RRBP1: variants seen among roughly 807,000 people sequenced by gnomAD.
RRBP1 encodes the protein ribosome binding protein 1.
In RRBP1, 94 loss-of-function variants were observed where a neutral mutation model predicts 165.2. The observed-to-expected ratio is 0.57, with a 90% CI of 0.48 to 0.68. The LOEUF (loss-of-function observed/expected upper bound fraction) is 0.68, where lower values mean the gene tolerates loss of function less well. Ranked by LOEUF, RRBP1 falls within the 30% of genes least tolerant of loss-of-function variation. RRBP1 has a pLI of 0.00. For synonymous variants in RRBP1, 680 were observed against 714.5 expected, an observed-to-expected ratio of 0.95 and a Z score of 0.77; for missense variants, 1,676 against 1,763.0, an observed-to-expected ratio of 0.95 and a Z score of 0.88.
intron 5 of RRBP1, 85 bp downstream of exon 5, chr20:17,641,712 G>C: frequency 6.5e-7 from 1 of 1,535,758 alleles, no homozygotes; most frequent in Admixed American, 1.7e-5. Context: ...CCAGCATCTC[G>C]GAGCCCGGGA....
At chr20:17,624,370 CT>C (rs552686394) in intron 13 of RRBP1, among the ~76,000 whole-genome samples, 176 of 152,122 alleles carry the variant, frequency 1.2e-3, no homozygotes, top group South Asian at 5.6e-3. Context: ...GTCCTAGTGC[CT>C]CTGTGTGTCC....
intron 17 of RRBP1, 141 bp from the exon 18 acceptor site, chr20:17,620,511 T>A: frequency 1.2e-6 from 1 of 859,194 alleles, no homozygotes. Context: ...ACGGTCACCC[T>A]GGCGCCATCT....
chr20:17,619,539 C>T, intron 19 of RRBP1, 94 bp downstream of exon 19: 2 of 874,744 alleles, frequency 2.3e-6, no homozygotes, highest in Non-Finnish European at 3.4e-6. Context: ...GCTTATGTCA[C>T]CGAGAGCTGC....
chr20:17,673,324 C>T (rs2037014250), intron 2 of RRBP1, among the ~76,000 whole-genome samples: 1 of 152,212 alleles, frequency 6.6e-6, no homozygotes, highest in South Asian at 2.1e-4. Context: ...AGGCAGTCAC[C>T]TCCTGACCTG....
intron 2 of RRBP1, among the ~76,000 whole-genome samples, chr20:17,668,521 GACTA>G (rs1399312845): frequency 6.6e-6 from 1 of 152,176 alleles, no homozygotes; most frequent in Non-Finnish European, 1.5e-5. Context: ...ACCAGCCAGG[GACTA>G]ACTTTTACAA....
intron 3 of RRBP1, among the ~76,000 whole-genome samples, chr20:17,649,007 T>C (rs2036511785): frequency 6.6e-6 from 1 of 152,228 alleles, no homozygotes; most frequent in African/African-American, 2.4e-5. Flanking sequence ...TTCAAGTGGC[T>C]GAAAAGAGAT....
chr20:17,670,174 C>T (rs2036949368), intron 2 of RRBP1, among the ~76,000 whole-genome samples: 1 of 152,174 alleles, frequency 6.6e-6, no homozygotes, highest in South Asian at 2.1e-4. Flanking sequence ...GATAATCATA[C>T]TATTCTACTC....
chr20:17,659,110 C>T lies in RRBP1; in HGVS notation c.1398G>A (p.Gln466=), dbSNP rs554790206. The T allele has an allele frequency of 1.3e-6, 2 of 1,542,062 alleles. No homozygotes were observed. The highest frequency in any genetic ancestry group is 1.4e-5 in the African/African-American group (1 of 71,828). The change falls in exon 3 of 25, where the codon CAG becomes CAA. Residue 466 remains glutamine (Q), a synonymous_variant. Transcript: ENST00000377813. ...QNQGKKAEGA[Q]NQGKKVEGAQ... ...CCCCTTCTACTTTTTTGCCCTGGTT[C>T]TGAGCACCCTCGGCCTTCTTGCCCT...
Position 17,613,935 on chromosome 20 carries a change from T to C in RRBP1, c.*247A>G. 2.1e-6 allele frequency: 1 copy of C among 480,372 alleles called. No individual in the cohort carries two copies. 29.8% of individuals were successfully genotyped at this position (480,372 alleles called of 1,614,324 possible). On this transcript the variant is annotated 3_prime_UTR_variant, in exon 25 of 25. Coordinates refer to ENST00000377813, the MANE Select transcript of RRBP1 (RefSeq NM_001365613.2). The stretch of plus-strand genomic sequence containing the variant: ...GTCAGAGTCAACCAGGGCTTTGGCG[T>C]CACTCGGCGGTGGCCCGGGGCTGCG...
intron 3 of RRBP1, among the ~76,000 whole-genome samples, chr20:17,648,615 G>A (rs2036505478): frequency 6.6e-6 from 1 of 152,226 alleles, no homozygotes. Flanking sequence ...TTTTCCTTTA[G>A]TTGGAGAAAA....
rs2036408750 is a variant in RRBP1 at position 17,643,601 on chromosome 20, AC to A, written c.1913-475del. 6.6e-6 allele frequency among the ~76,000 whole-genome samples: 1 copy of A among 151,974 alleles called. No individual in the cohort carries two copies. The highest frequency in any genetic ancestry group is 2.1e-4 in the South Asian group (1 of 4,810). ...GCAGCGAATTTACCGTCCACCACAC[AC>A]AGACACCCAGAGCCACACTCCTGCA... On this transcript the variant is annotated intron_variant, in intron 3 of 24. Transcript: ENST00000377813. The surrounding 1 kb of genome is among the most constrained non-coding windows in gnomAD (Gnocchi z 4.3).
intron 1 of RRBP1, among the ~76,000 whole-genome samples, chr20:17,681,110 C>A (rs1310428646): frequency 2.0e-5 from 3 of 151,510 alleles, no homozygotes; most frequent in African/African-American, 7.3e-5. Context: ...CCGGGGCGGG[C>A]ACCAGGCCGG....
chr20:17,636,335 CT>C (rs1175911919), intron 6 of RRBP1, among the ~76,000 whole-genome samples: 1 of 152,244 alleles, frequency 6.6e-6, no homozygotes, highest in Admixed American at 6.5e-5. Flanking sequence ...GAAAAGTGTT[CT>C]TTAAAATGTA....
At chr20:17,681,688 T>C (rs2037192046) in intron 1 of RRBP1, among the ~76,000 whole-genome samples, 1 of 149,578 alleles carries the variant, frequency 6.7e-6, no homozygotes, top group South Asian at 2.1e-4. Flanking sequence ...CGGAGCGCGC[T>C]GGCCGGCCCG....
At chr20:17,619,507 G>T in intron 19 of RRBP1, 126 bp downstream of exon 19, 1 of 632,242 alleles carries the variant, frequency 1.6e-6, no homozygotes, top group South Asian at 2.3e-5. Context: ...TCGGGCAAAC[G>T]CCTGAGGACT....
At chr20:17,615,273 C>G (rs1647217612) in intron 23 of RRBP1, among the ~76,000 whole-genome samples, 158 bp downstream of exon 23, 1 of 152,168 alleles carries the variant, frequency 6.6e-6, no homozygotes, top group Non-Finnish European at 1.5e-5. Flanking sequence ...GGCTAGGAGT[C>G]CCCACCCCAG....
intron 3 of RRBP1, among the ~76,000 whole-genome samples, chr20:17,652,834 C>T (rs1568777293): frequency 6.6e-6 from 1 of 152,212 alleles, no homozygotes; most frequent in Non-Finnish European, 1.5e-5. Context: ...AACATGGTCA[C>T]AGCCGCCAAT....
chr20:17,614,292 T>C (rs2035748781), intron 24 of RRBP1, 72 bp from the exon 25 acceptor site: 1 of 1,478,076 alleles, frequency 6.8e-7, no homozygotes, highest in East Asian at 2.3e-5. Context: ...CCCTCTACCC[T>C]GGGCCTTTAG....
intron 21 of RRBP1, among the ~76,000 whole-genome samples, chr20:17,616,518 C>G (rs10222001): frequency 0.011 from 1,719 of 152,304 alleles, 29 homozygotes; most frequent in African/African-American, 0.037. Context: ...CCACCTCCCC[C>G]CAACTCCTCC....
Sources: allele counts gnomAD v4.1 joint callset (sites outside exome capture counted in the v4.1 genomes callset), GRCh38; gene constraint gnomAD v4.1.1; non-coding constraint Gnocchi (gnomAD v3.1); transcripts MANE v1.5; gene names NCBI Gene and HGNC (gene_info 2026-07-23, HGNC 2026-07-21).